Variants in WDFY3 observed in about 807,000 individuals in gnomAD.
WDFY3 encodes the protein WD repeat and FYVE domain-containing protein 3.
WDFY3 carries 66 observed loss-of-function variants against 409.6 expected under a neutral mutation model. The ratio of observed to expected loss-of-function variants is 0.16; its 90% CI spans 0.13 to 0.20. The LOEUF is 0.20. Among genes scored for constraint, WDFY3 ranks in the 10% least tolerant of loss-of-function variants. WDFY3 has a pLI of 1.00. For missense variants in WDFY3, 3,031 were observed against 4,298.1 expected, an observed-to-expected ratio of 0.71 and a Z score of 8.24; for synonymous variants, 1,521 against 1,537.1, an observed-to-expected ratio of 0.99 and a Z score of 0.25.
intron 19 of WDFY3, among the ~76,000 whole-genome samples, chr4:84,795,590 C>T (rs1252848270): frequency 6.6e-6 from 1 of 152,102 alleles, no homozygotes; most frequent in African/African-American, 2.4e-5. Flanking sequence ...GGCGAAACCC[C>T]ATCTCCACTA....
At chr4:84,851,059 T>G (rs1191769939) in intron 4 of WDFY3, among the ~76,000 whole-genome samples, 1 of 148,686 alleles carries the variant, frequency 6.7e-6, no homozygotes, top group Admixed American at 6.7e-5. Flanking sequence ...AGTGCTGGGA[T>G]TACAGGTGTG....
In WDFY3 at chr4:84,672,207, T is replaced by C. The variant is rs1189929222; in HGVS notation, c.*661A>G. On this transcript the variant is annotated 3_prime_UTR_variant, in exon 68 of 68. Transcript: ENST00000295888. ...ATTTTGGTTACTAGCCTAGTTTAAG[T>C]GGAGATACTGTGGGCAACTTGAAAG... The C allele has an allele frequency of 6.6e-6, 1 of 152,060 alleles. No homozygotes were observed. The highest frequency in any genetic ancestry group is 1.5e-5 in the Non-Finnish European group (1 of 68,000). 9.4% of individuals were successfully genotyped at this position (152,060 alleles called of 1,614,324 possible). A position where few individuals can be genotyped will look rare whatever the true frequency, so the allele number is the denominator to read the frequency against.
At chr4:84,821,673 C>A in intron 10 of WDFY3, 122 bp from the exon 11 acceptor site, 1 of 819,914 alleles carries the variant, frequency 1.2e-6, no homozygotes, top group Non-Finnish European at 1.8e-6. Context: ...GAACATAACC[C>A]TGTTTTCACA....
chr4:84,719,920 G>A (rs1057317196), intron 47 of WDFY3, among the ~76,000 whole-genome samples: 2 of 152,172 alleles, frequency 1.3e-5, no homozygotes, highest in Non-Finnish European at 1.5e-5. Flanking sequence ...GAACGGAACT[G>A]TTTTGATTAT....
intron 13 of WDFY3, among the ~76,000 whole-genome samples, chr4:84,813,984 C>T (rs369836624): frequency 9.2e-5 from 14 of 152,140 alleles, no homozygotes; most frequent in African/African-American, 2.4e-4. Context: ...AAATATATGA[C>T]AGCATAAGGA....
chr4:84,855,272 C>T (rs1423797167), intron 4 of WDFY3, among the ~76,000 whole-genome samples: 1 of 152,166 alleles, frequency 6.6e-6, no homozygotes, highest in African/African-American at 2.4e-5. Flanking sequence ...AAAACTACAT[C>T]TATCTGATTC....
intron 4 of WDFY3, among the ~76,000 whole-genome samples, chr4:84,856,819 T>C (rs1482436111): frequency 1.3e-5 from 2 of 152,166 alleles, no homozygotes; most frequent in African/African-American, 4.8e-5. Flanking sequence ...TGCAATTCCT[T>C]TTTAGCAATC....
Position 84,721,488 on chromosome 4 carries a change from A to G in WDFY3, c.7526T>C (p.Ile2509Thr). ...CTCTTCTATGGAGCTGCCCTCAGCA[A>G]TCTGGTCTTGTAGCTGCTCCTGGTT... ...EENQEQLQDQ[I>T]AEGSSIEEEE... Residue 2509 changes from isoleucine to threonine, a missense_variant, in exon 47 of 68, where the codon ATT (isoleucine) becomes ACT (threonine). Around this residue, in one of 16 missense-constraint regions of WDFY3, gnomAD observed 127 missense variants for 144.4 expected, o/e 0.88. Coordinates refer to ENST00000295888, the MANE Select transcript of WDFY3 (RefSeq NM_014991.6). 3.7e-6 allele frequency: 6 copies of G among 1,613,212 alleles called. No homozygotes were observed. Among genetic ancestry groups the G allele is most frequent in the Non-Finnish European group, 4.2e-6 (5 of 1,180,032 alleles).
At chr4:84,842,163 G>C (rs1757450104) in intron 5 of WDFY3, among the ~76,000 whole-genome samples, 1 of 152,088 alleles carries the variant, frequency 6.6e-6, no homozygotes, top group South Asian at 2.1e-4. Flanking sequence ...CATATGATAG[G>C]AGTTAAAATT....
chr4:84,919,524 G>C (rs887259153), intron 2 of WDFY3, among the ~76,000 whole-genome samples: 24 of 152,076 alleles, frequency 1.6e-4, no homozygotes, highest in Non-Finnish European at 1.0e-4. Context: ...ATCTCATTTT[G>C]AATTGTAGTT....
At chr4:84,716,690 T>C (rs1203530253) in intron 49 of WDFY3, among the ~76,000 whole-genome samples, 1 of 140,936 alleles carries the variant, frequency 7.1e-6, no homozygotes, top group Non-Finnish European at 1.6e-5. Context: ...TCCCAGCTAC[T>C]TGGGAGGCTA....
chr4:84,894,983 AG>A (rs1307326303), intron 3 of WDFY3, among the ~76,000 whole-genome samples: 1 of 151,006 alleles, frequency 6.6e-6, no homozygotes, highest in Non-Finnish European at 1.5e-5. Flanking sequence ...TTTTTCAAAT[AG>A]GTAAATATTT....
intron 3 of WDFY3, among the ~76,000 whole-genome samples, chr4:84,869,222 C>CA (rs1344323161): frequency 3.3e-5 from 5 of 152,276 alleles, no homozygotes; most frequent in Admixed American, 3.3e-4. Context: ...TCTCAAATTC[C>CA]AAAATCTCAC....
intron 56 of WDFY3, among the ~76,000 whole-genome samples, chr4:84,697,861 T>C (rs1730385479): frequency 6.6e-6 from 1 of 152,214 alleles, no homozygotes; most frequent in South Asian, 2.1e-4. Context: ...GCGAATAAAA[T>C]ATCTCCCTTA....
At chr4:84,839,585 C>A (rs906478900) in intron 6 of WDFY3, among the ~76,000 whole-genome samples, 1 of 151,846 alleles carries the variant, frequency 6.6e-6, no homozygotes, top group Non-Finnish European at 1.5e-5. Context: ...GGGCCAGGCA[C>A]AGTGGCTCAC....
intron 62 of WDFY3, 79 bp downstream of exon 62, chr4:84,688,007 C>T (rs1419044548): frequency 6.8e-7 from 1 of 1,465,370 alleles, no homozygotes; most frequent in Non-Finnish European, 9.4e-7. Context: ...GACATGTTCC[C>T]CTGAGCCCCA....
intron 35 of WDFY3, 21 bp from the exon 36 acceptor site, chr4:84,751,737 G>A (rs2149298033): frequency 1.2e-6 from 2 of 1,612,030 alleles, no homozygotes; most frequent in East Asian, 2.2e-5. Context: ...CAAGTGGAAA[G>A]ATACGGTAAT....
intron 13 of WDFY3, 62 bp from the exon 14 acceptor site, chr4:84,810,406 A>G: frequency 8.2e-7 from 1 of 1,222,886 alleles, no homozygotes; most frequent in Non-Finnish European, 1.1e-6. Context: ...AAAAAAAACC[A>G]CTATGCATGT....
intron 1 of WDFY3, among the ~76,000 whole-genome samples, chr4:84,937,493 A>G (rs950984162): frequency 1.6e-4 from 25 of 152,180 alleles, no homozygotes; most frequent in African/African-American, 5.8e-4. Flanking sequence ...TTGCATAGTT[A>G]CTATTTTGGT....
Sources: gnomAD v4.1 joint callset for allele counts (sites outside exome capture counted in the v4.1 genomes callset) on GRCh38, gnomAD v4.1.1 for gene constraint, gnomAD v4.1.1 regional missense constraint, MANE v1.5 for transcripts, NCBI Gene and HGNC (gene_info 2026-07-23, HGNC 2026-07-21) for gene names.